The following CNTN5 variants were observed in gnomAD, a reference collection of about 807,000 sequenced individuals.
CNTN5 encodes contactin-5.
Under a neutral mutation model 129.1 loss-of-function variants are expected in CNTN5, and 77 were observed. That is an observed-to-expected ratio of 0.60 (90% CI 0.50 to 0.72). The LOEUF is 0.72. CNTN5 is among the 30% of genes least tolerant of loss of function. CNTN5 has a pLI of 0.00. For synonymous variants in CNTN5, 509 were observed against 465.6 expected (o/e 1.09, Z -1.20); for missense variants, 1,478 against 1,328.8 (o/e 1.11, Z -1.75).
intron 2 of CNTN5, among the ~76,000 whole-genome samples, chr11:99,371,907 GTGTT>G (rs1565528942): frequency 6.6e-6 from 1 of 152,176 alleles, no homozygotes; most frequent in Non-Finnish European, 1.5e-5. Flanking sequence ...TCGATGGTGT[GTGTT>G]TGTGTCTTTG....
chr11:99,105,440 T>C (rs1292944744), intron 1 of CNTN5, among the ~76,000 whole-genome samples: 1 of 152,192 alleles, frequency 6.6e-6, no homozygotes, highest in African/African-American at 2.4e-5. Context: ...TTAATATTAC[T>C]GTGTTTTATG....
intron 3 of CNTN5, among the ~76,000 whole-genome samples, chr11:99,788,553 A>G (rs1440129566): frequency 2.0e-5 from 3 of 151,984 alleles, no homozygotes; most frequent in East Asian, 3.8e-4. Flanking sequence ...TTGTTCAGCA[A>G]TACTTGTTCA....
At chr11:100,177,428 G>A (rs1304002585) in intron 13 of CNTN5, among the ~76,000 whole-genome samples, 1 of 152,010 alleles carries the variant, frequency 6.6e-6, no homozygotes, top group Non-Finnish European at 1.5e-5. Flanking sequence ...TAGGAACTGG[G>A]TCATATTCAG....
At chr11:99,521,233 C>T (rs1448530524) in intron 2 of CNTN5, among the ~76,000 whole-genome samples, 1 of 152,100 alleles carries the variant, frequency 6.6e-6, no homozygotes, top group Non-Finnish European at 1.5e-5. Context: ...AAAGATGTGG[C>T]TGAAGGTTGA....
At chr11:100,125,596 C>A (rs936992173) in intron 13 of CNTN5, among the ~76,000 whole-genome samples, 1 of 151,972 alleles carries the variant, frequency 6.6e-6, no homozygotes, top group Non-Finnish European at 1.5e-5. Context: ...TCCATGACTT[C>A]GCTATTGTAA....
chr11:99,777,595 T>TA (rs755902250), intron 3 of CNTN5, among the ~76,000 whole-genome samples: 11 of 151,782 alleles, frequency 7.2e-5, no homozygotes, highest in African/African-American at 2.2e-4. Context: ...ATTCTCAAGA[T>TA]AAAAAAAATT....
chr11:99,706,351 T>C (rs1425979882), intron 3 of CNTN5, among the ~76,000 whole-genome samples: 1 of 151,492 alleles, frequency 6.6e-6, no homozygotes, highest in Non-Finnish European at 1.5e-5. Context: ...TGTTCCCTAC[T>C]CTATTATATG....
At chr11:99,136,353 T>C (rs4474397) in intron 1 of CNTN5, among the ~76,000 whole-genome samples, 3 of 152,090 alleles carry the variant, frequency 2.0e-5, no homozygotes, top group Admixed American at 6.6e-5. Context: ...GCTTGAGAAA[T>C]CTCTACATGA....
intron 6 of CNTN5, among the ~76,000 whole-genome samples, chr11:99,895,955 G>GC (rs1189902034): frequency 7.2e-5 from 11 of 152,158 alleles, no homozygotes; most frequent in African/African-American, 2.7e-4. Flanking sequence ...CCTTGCCTCT[G>GC]CAGCTCCTTA....
chr11:99,410,508 T>G (rs1942344658), intron 2 of CNTN5, among the ~76,000 whole-genome samples: 1 of 152,098 alleles, frequency 6.6e-6, no homozygotes, highest in African/African-American at 2.4e-5. Flanking sequence ...ACAAAAGGTT[T>G]CTAAATGTAT....
At chr11:99,953,531 C>T (rs1950724770) in intron 7 of CNTN5, among the ~76,000 whole-genome samples, 1 of 152,130 alleles carries the variant, frequency 6.6e-6, no homozygotes, top group South Asian at 2.1e-4. Context: ...GAACTAAAAT[C>T]CAAAGTATAC....
chr11:99,538,770 G>A (rs556651631), intron 2 of CNTN5, among the ~76,000 whole-genome samples: 4 of 152,016 alleles, frequency 2.6e-5, no homozygotes, highest in Admixed American at 2.6e-4. Context: ...TTAACTGTTT[G>A]CCCATTTCAT....
chr11:100,346,286 G>T (rs1251913838), intron 23 of CNTN5, among the ~76,000 whole-genome samples: 2 of 151,872 alleles, frequency 1.3e-5, no homozygotes, highest in Admixed American at 1.3e-4. Flanking sequence ...TGTTACTAAA[G>T]AAATGCCAAA....
At chr11:99,565,763 G>T (rs1392365910) in intron 3 of CNTN5, among the ~76,000 whole-genome samples, 3 of 152,070 alleles carry the variant, frequency 2.0e-5, no homozygotes, top group Admixed American at 1.3e-4. Flanking sequence ...ATTCTCCCAT[G>T]ATTTCCCCCC....
rs189933859 is a variant in CNTN5, at chr11:99,632,853, G to C, written c.55+76584G>C. On this transcript the variant is annotated intron_variant, in intron 3 of 24. Transcript: ENST00000524871. ...TCCATATATTCAGAAGAGTTTTGTT[G>C]AAACCATCCAAATGTCCTTAATTAC... is the stretch of plus-strand genomic sequence containing the variant. Among the ~76,000 whole-genome samples, 52 of 152,116 alleles carry C rather than the reference G, an allele frequency of 3.4e-4. 1 individual carries two copies. The highest frequency in any genetic ancestry group is 3.4e-3 in the Middle Eastern group (1 of 294).
intron 20 of CNTN5, among the ~76,000 whole-genome samples, chr11:100,300,172 A>G (rs761448205): frequency 3.3e-5 from 5 of 151,616 alleles, no homozygotes; most frequent in East Asian, 3.9e-4. Context: ...TACTCAATAC[A>G]TGATAGAGCT....
chr11:99,710,587 GTGTGTGTGTGTGTGTA>G (rs1210925629), intron 3 of CNTN5, among the ~76,000 whole-genome samples: 6 of 138,346 alleles, frequency 4.3e-5, no homozygotes, highest in Non-Finnish European at 8.1e-5. Flanking sequence ...GTGTGTGTGT[GTGTGTGTGTGTGTGTA>G]TGTATGTATG....
At chr11:99,395,768 C>T (rs1941489611) in intron 2 of CNTN5, among the ~76,000 whole-genome samples, 1 of 151,912 alleles carries the variant, frequency 6.6e-6, no homozygotes, top group Non-Finnish European at 1.5e-5. Context: ...TATGACTAGT[C>T]AGTTATCCCA....
intron 13 of CNTN5, among the ~76,000 whole-genome samples, chr11:100,145,205 G>A (rs957044215): frequency 4.6e-5 from 7 of 152,052 alleles, no homozygotes; most frequent in South Asian, 2.1e-4. Flanking sequence ...AAATTACGCC[G>A]CTAAATCACT....
Sources: allele counts gnomAD v4.1 joint callset (sites outside exome capture counted in the v4.1 genomes callset), GRCh38; gene constraint gnomAD v4.1.1; transcripts MANE v1.5; gene names NCBI Gene and HGNC (gene_info 2026-07-23, HGNC 2026-07-21).